ATP10B: variants seen among roughly 807,000 people sequenced by gnomAD.
The protein encoded by ATP10B is phospholipid-transporting ATPase VB.
In ATP10B, 122 loss-of-function variants were observed where a neutral mutation model predicts 141.2. That is an observed-to-expected ratio of 0.86 (90% CI 0.75 to 1.00). The LOEUF (loss-of-function observed/expected upper bound fraction) is 1.00, where lower values mean the gene tolerates loss of function less well. ATP10B is among the 50% of genes least tolerant of loss of function. The pLI, the probability that ATP10B is intolerant of heterozygous loss-of-function variation, is 0.00. For missense variants in ATP10B, 1,876 were observed against 1,825.3 expected, an observed-to-expected ratio of 1.03 and a Z score of -0.51; for synonymous variants, 685 against 692.0, an observed-to-expected ratio of 0.99 and a Z score of 0.16.
intron 2 of ATP10B, among the ~76,000 whole-genome samples, chr5:160,755,473 T>C (rs1370676236): frequency 6.6e-6 from 1 of 152,090 alleles, no homozygotes; most frequent in African/African-American, 2.4e-5. Context: ...TATTGTATAA[T>C]ATAAATATGT....
chr5:160,599,717 T>C (rs1756974904), intron 21 of ATP10B, among the ~76,000 whole-genome samples: 1 of 152,200 alleles, frequency 6.6e-6, no homozygotes, highest in Non-Finnish European at 1.5e-5. Flanking sequence ...TAAATGTTGT[T>C]CATTTTTTTC....
chr5:160,918,780 A>G, the ATP10B span, among the ~76,000 whole-genome samples: 8 of 152,192 alleles, frequency 5.3e-5, no homozygotes, highest in Non-Finnish European at 1.2e-4. Context: ...AACCTTGCTC[A>G]GAGGAGGATT....
intron 1 of ATP10B, among the ~76,000 whole-genome samples, chr5:160,849,866 A>G (rs975653899): frequency 6.6e-6 from 1 of 152,208 alleles, no homozygotes; most frequent in African/African-American, 2.4e-5. Context: ...TTTGTAGTTA[A>G]AAGAATTGTA....
chr5:160,891,162 G>A, the ATP10B span, among the ~76,000 whole-genome samples: 1 of 152,200 alleles, frequency 6.6e-6, no homozygotes. Context: ...TTGTGTAACA[G>A]CTACCTATGT....
At chr5:160,727,653 G>A (rs748246574) in intron 2 of ATP10B, among the ~76,000 whole-genome samples, 10 of 151,994 alleles carry the variant, frequency 6.6e-5, no homozygotes, top group Non-Finnish European at 1.5e-4. Flanking sequence ...CAACTTCCAG[G>A]GGTGTTGGAG....
At chr5:160,623,401 A>G (rs1289547748) in intron 13 of ATP10B, among the ~76,000 whole-genome samples, 3 of 152,130 alleles carry the variant, frequency 2.0e-5, no homozygotes, top group Non-Finnish European at 4.4e-5. Context: ...GAGCTATGAG[A>G]CCTAGCAAGT....
intron 1 of ATP10B, among the ~76,000 whole-genome samples, chr5:160,805,876 T>C (rs2127939238): frequency 6.6e-6 from 1 of 152,282 alleles, no homozygotes; most frequent in South Asian, 2.1e-4. Flanking sequence ...GCTCACACAA[T>C]GATGGAGGCC....
At chr5:160,696,618 C>T (rs1306658242) in intron 3 of ATP10B, among the ~76,000 whole-genome samples, 2 of 152,108 alleles carry the variant, frequency 1.3e-5, no homozygotes, top group Admixed American at 6.5e-5. Context: ...CACCACTCAC[C>T]CAGAAAGGAT....
At chr5:160,922,886 C>T in the ATP10B span, among the ~76,000 whole-genome samples, 1 of 152,212 alleles carries the variant, frequency 6.6e-6, no homozygotes, top group Non-Finnish European at 1.5e-5. Flanking sequence ...CCACATATAG[C>T]CCCTGCTTTT....
chr5:160,847,608 A>G (rs1416723520), intron 1 of ATP10B, among the ~76,000 whole-genome samples: 1 of 152,208 alleles, frequency 6.6e-6, no homozygotes, highest in East Asian at 1.9e-4. Context: ...TTTTCTCCTT[A>G]AACAGAATAA....
intron 7 of ATP10B, among the ~76,000 whole-genome samples, chr5:160,662,215 A>C (rs1761975428): frequency 6.6e-6 from 1 of 152,126 alleles, no homozygotes; most frequent in Non-Finnish European, 1.5e-5. Context: ...AAATGGCCAT[A>C]CTGCCCAAGG....
At chr5:160,806,741 A>G (rs912124720) in intron 1 of ATP10B, among the ~76,000 whole-genome samples, 1 of 152,186 alleles carries the variant, frequency 6.6e-6, no homozygotes, top group African/African-American at 2.4e-5. Flanking sequence ...TAGTTGAGGT[A>G]ATTGAGAGGA....
intron 2 of ATP10B, among the ~76,000 whole-genome samples, chr5:160,736,764 G>GA (rs920192809): frequency 6.6e-6 from 1 of 151,382 alleles, no homozygotes; most frequent in African/African-American, 2.4e-5. Flanking sequence ...CATCTCAAAA[G>GA]AAAAAAAAGT....
At chr5:160,756,066 A>G (rs1395796225) in intron 2 of ATP10B, among the ~76,000 whole-genome samples, 6 of 151,506 alleles carry the variant, frequency 4.0e-5, no homozygotes, top group African/African-American at 1.5e-4. Flanking sequence ...TTTCCCTTTT[A>G]TAAGTCCCCA....
At chr5:160,857,041 G>C (rs1282534014), upstream of ATP10B, among the ~76,000 whole-genome samples, 2 of 150,950 alleles carry the variant, frequency 1.3e-5, no homozygotes, top group Non-Finnish European at 3.0e-5. Flanking sequence ...TGTTTTTCCT[G>C]GTTTTGATAT....
chr5:160,856,952 T>C (rs894669112), upstream of ATP10B, among the ~76,000 whole-genome samples: 1 of 151,820 alleles, frequency 6.6e-6, no homozygotes, highest in Non-Finnish European at 1.5e-5. Context: ...TTTTAATTGA[T>C]GAATTTTGTT....
the ATP10B span, among the ~76,000 whole-genome samples, chr5:160,872,813 C>A: frequency 6.6e-6 from 1 of 152,102 alleles, no homozygotes; most frequent in African/African-American, 2.4e-5. Flanking sequence ...TAATGTGATG[C>A]CTACAGATTT....
intron 9 of ATP10B, among the ~76,000 whole-genome samples, chr5:160,642,374 G>A (rs1280173090): frequency 6.6e-6 from 1 of 152,164 alleles, no homozygotes; most frequent in African/African-American, 2.4e-5. Flanking sequence ...ATCTCACCTT[G>A]GCCTTTTTGG....
At chr5:160,788,466 G>A (rs1485863379) in intron 1 of ATP10B, among the ~76,000 whole-genome samples, 1 of 152,174 alleles carries the variant, frequency 6.6e-6, no homozygotes, top group Non-Finnish European at 1.5e-5. Flanking sequence ...GCTGCTATCT[G>A]GAAAGTGGGG....
Sources: allele counts gnomAD v4.1 joint callset (sites outside exome capture counted in the v4.1 genomes callset), GRCh38; gene constraint gnomAD v4.1.1; transcripts MANE v1.5; gene names NCBI Gene and HGNC (gene_info 2026-07-23, HGNC 2026-07-21).